Variants in PTPRD observed in about 807,000 individuals in gnomAD.
PTPRD encodes protein tyrosine phosphatase receptor type D, also known as receptor-type tyrosine-protein phosphatase delta.
In PTPRD, 34 loss-of-function variants were observed where a neutral mutation model predicts 214.5. The ratio of observed to expected loss-of-function variants is 0.16; its 90% confidence interval spans 0.12 to 0.21. The LOEUF (loss-of-function observed/expected upper bound fraction) is 0.21. PTPRD is among the 10% of genes least tolerant of loss of function. PTPRD has a pLI of 1.00. For synonymous variants in PTPRD, 1,128 were observed against 845.7 expected (o/e 1.33, Z -5.79); for missense variants, 2,545 against 2,398.7 (o/e 1.06, Z -1.27).
intron 8 of PTPRD, among the ~76,000 whole-genome samples, chr9:9,422,608 T>C (rs1039683531): frequency 2.0e-5 from 3 of 152,106 alleles, no homozygotes; most frequent in Non-Finnish European, 4.4e-5. Context: ...CTTAAGCAGT[T>C]ACCAGGTAGA....
intron 9 of PTPRD, among the ~76,000 whole-genome samples, chr9:9,392,165 T>C (rs568054924): frequency 2.8e-4 from 43 of 152,306 alleles, no homozygotes; most frequent in Non-Finnish European, 4.7e-4. Context: ...AGACTCCCCT[T>C]GGCCCTCAGC....
At chr9:8,324,655 A>G (rs1831807655) in intron 44 of PTPRD, among the ~76,000 whole-genome samples, 1 of 152,210 alleles carries the variant, frequency 6.6e-6, no homozygotes, top group Non-Finnish European at 1.5e-5. Flanking sequence ...TTCTGGTTCT[A>G]GATCCTTGAG....
At chr9:8,752,165 C>A (rs923552473) in intron 11 of PTPRD, among the ~76,000 whole-genome samples, 1 of 152,126 alleles carries the variant, frequency 6.6e-6, no homozygotes, top group Non-Finnish European at 1.5e-5. Context: ...CATTCTCAGA[C>A]GGTTAGGGCA....
intron 10 of PTPRD, among the ~76,000 whole-genome samples, chr9:9,136,077 T>C (rs1213812358): frequency 3.3e-5 from 5 of 152,164 alleles, no homozygotes; most frequent in Non-Finnish European, 7.4e-5. Context: ...GCTAATGAAA[T>C]ATCTCAACCT....
At chr9:10,035,286 AT>A (rs200744704) in intron 3 of PTPRD, among the ~76,000 whole-genome samples, 29 of 150,682 alleles carry the variant, frequency 1.9e-4, no homozygotes, top group African/African-American at 4.9e-4. Flanking sequence ...TTAATGGGGT[AT>A]TTTTTTTTCT....
At chr9:8,770,305 G>A (rs575619543) in intron 11 of PTPRD, among the ~76,000 whole-genome samples, 7 of 148,762 alleles carry the variant, frequency 4.7e-5, no homozygotes, top group Admixed American at 2.0e-4. Flanking sequence ...TAAATAGAAA[G>A]AAAGAAAGTA....
At chr9:8,639,951 G>T (rs2096536956) in intron 12 of PTPRD, among the ~76,000 whole-genome samples, 1 of 152,018 alleles carries the variant, frequency 6.6e-6, no homozygotes, top group Non-Finnish European at 1.5e-5. Context: ...TGTTTTTTGA[G>T]ACAGGGTCTT....
chr9:8,642,645 A>G (rs995864707), intron 12 of PTPRD, among the ~76,000 whole-genome samples: 1 of 151,172 alleles, frequency 6.6e-6, no homozygotes, highest in African/African-American at 2.4e-5. Flanking sequence ...AATGCAGTGC[A>G]TAGCAGAAGA....
intron 4 of PTPRD, among the ~76,000 whole-genome samples, chr9:9,995,791 T>C (rs1191065440): frequency 2.6e-5 from 4 of 152,190 alleles, no homozygotes; most frequent in African/African-American, 9.7e-5. Context: ...GATACTTTTC[T>C]GCCCCCAGAT....
chr9:10,275,956 C>T (rs1014752346), intron 3 of PTPRD, among the ~76,000 whole-genome samples: 14 of 152,124 alleles, frequency 9.2e-5, no homozygotes, highest in African/African-American at 3.1e-4. Flanking sequence ...GACTCATTTC[C>T]TCTTTCAGGC....
At chr9:8,899,344 T>G (rs539429043) in intron 11 of PTPRD, among the ~76,000 whole-genome samples, 6 of 152,140 alleles carry the variant, frequency 3.9e-5, no homozygotes, top group Non-Finnish European at 8.8e-5. Flanking sequence ...TTCCCGTATT[T>G]TTAAAATTGA....
chr9:9,942,489 T>A (rs1198197337), intron 4 of PTPRD, among the ~76,000 whole-genome samples: 1 of 152,152 alleles, frequency 6.6e-6, no homozygotes, highest in Non-Finnish European at 1.5e-5. Flanking sequence ...AAGATGTACA[T>A]CTGTAGAATA....
intron 11 of PTPRD, among the ~76,000 whole-genome samples, chr9:8,795,621 A>G (rs1216346309): frequency 7.4e-6 from 1 of 135,082 alleles, no homozygotes; most frequent in African/African-American, 2.4e-5. Flanking sequence ...AGCAATCAAT[A>G]TATCATTTAT....
chr9:9,641,368 G>T (rs1021450461), intron 7 of PTPRD, among the ~76,000 whole-genome samples: 3 of 152,140 alleles, frequency 2.0e-5, no homozygotes, highest in Non-Finnish European at 4.4e-5. Flanking sequence ...CTAGTATTTT[G>T]CAAAAAGACC....
At chr9:9,580,864 A>G (rs974737601) in intron 7 of PTPRD, among the ~76,000 whole-genome samples, 17 of 151,816 alleles carry the variant, frequency 1.1e-4, no homozygotes, top group Middle Eastern at 3.4e-3. Context: ...CCTACTTTTT[A>G]ATGGGATTTG....
chr9:8,350,100 T>A (rs1365178936), intron 39 of PTPRD, among the ~76,000 whole-genome samples: 1 of 152,144 alleles, frequency 6.6e-6, no homozygotes, highest in Non-Finnish European at 1.5e-5. Flanking sequence ...AAAACATGAT[T>A]GAGTTAGTCC....
intron 8 of PTPRD, among the ~76,000 whole-genome samples, chr9:9,572,480 A>AT (rs2086749128): frequency 6.6e-6 from 1 of 150,694 alleles, no homozygotes; most frequent in East Asian, 1.9e-4. Context: ...TTGATTCTGA[A>AT]TTTTAAGAAA....
At chr9:9,105,068 A>G (rs2154444430) in intron 10 of PTPRD, among the ~76,000 whole-genome samples, 1 of 152,328 alleles carries the variant, frequency 6.6e-6, no homozygotes. Context: ...TATCCTATTT[A>G]TTTATGCAAC....
At chr9:9,413,765 T>C (rs1319266439) in intron 8 of PTPRD, among the ~76,000 whole-genome samples, 1 of 152,178 alleles carries the variant, frequency 6.6e-6, no homozygotes, top group Non-Finnish European at 1.5e-5. Flanking sequence ...GGGATATCTG[T>C]CTCTGAGGAT....
Sources: gnomAD v4.1 joint callset for allele counts (sites outside exome capture counted in the v4.1 genomes callset) on GRCh38, gnomAD v4.1.1 for gene constraint, MANE v1.5 for transcripts, NCBI Gene and HGNC (gene_info 2026-07-23, HGNC 2026-07-21) for gene names.